The following OR1L8 variants were observed in gnomAD, a reference collection of about 807,000 sequenced individuals.
OR1L8 encodes olfactory receptor 1L8.
For synonymous variants in OR1L8, 148 were observed against 147.0 expected (o/e 1.01, Z -0.05); for missense variants, 330 against 377.4 (o/e 0.87, Z 1.04).
chr9:122,554,898 C>G, the OR1L8 span, among the ~76,000 whole-genome samples: 1 of 152,126 alleles, frequency 6.6e-6, no homozygotes, highest in Non-Finnish European at 1.5e-5. Context: ...TCTCTGAATT[C>G]TTTCATAAAA....
chr9:122,568,206 T>C lies in OR1L8; in HGVS notation c.272A>G (p.Lys91Arg), dbSNP rs1256535695. Reference protein sequence around the residue: ...KMLMNFLSEKKTISYAGCLTQ... With the variant: ...KMLMNFLSEKRTISYAGCLTQ... ...CAGACACCCAGCATAGGAGATGGTC[T>C]TCTTTTCTGACAGGAAGTTCATCAG... The change falls in exon 5 of 5, where the codon AAG becomes AGG. Residue 91 changes from lysine to arginine, a missense_variant. Physicochemically the swap from Lys to Arg is conservative, Grantham distance 26. Transcript: ENST00000641027. 1 of 1,614,218 alleles carries C rather than the reference T, an allele frequency of 6.2e-7. No individual in the cohort carries two copies. The highest frequency in any genetic ancestry group is 1.3e-5 in the African/African-American group (1 of 75,048).
At position 122,567,916 on chromosome 9, in the gene OR1L8, A is replaced by C. The variant is rs1431247431; in HGVS notation, c.562T>G (p.Leu188Val). 6.2e-7 allele frequency: 1 copy of C among 1,614,004 alleles called. No individual in the cohort carries two copies. The highest frequency in any genetic ancestry group is 2.2e-5 in the East Asian group (1 of 44,898). The change falls in exon 5 of 5, where the codon TTG becomes GTG. Residue 188 changes from leucine (L) to valine (V), a missense_variant. Transcript: ENST00000641027. ...FLCDLSPVLK[L>V]SCSSIFVNEI... ...TTGACAAATATGGAAGAGCAGGACA[A>C]TTTCAGCACAGGGCTGAGGTCACAG...
chr9:122,546,597 TA>T, the OR1L8 span, among the ~76,000 whole-genome samples: 2 of 152,228 alleles, frequency 1.3e-5, no homozygotes, highest in East Asian at 3.9e-4. Flanking sequence ...GGCTATTTGT[TA>T]AAAAAATTAA....
At position 122,569,886 on chromosome 9, in the gene OR1L8, G is replaced by C. The variant is rs555650468; in HGVS notation, c.-212-1197C>G. Reference sequence around the variant, plus strand: ...GATGTTCCCCTTCCTGTGTCCATGTGTTCTCATTGTTCAATTCCCACCAAT... The same window carrying C: ...GATGTTCCCCTTCCTGTGTCCATGTCTTCTCATTGTTCAATTCCCACCAAT... On this transcript the variant is annotated intron_variant, in intron 4 of 4. Coordinates refer to ENST00000641027, the MANE Select transcript of OR1L8 (RefSeq NM_001004454.2). Among the ~76,000 whole-genome samples, 5 of 150,606 alleles carry C rather than the reference G, an allele frequency of 3.3e-5. 1 individual carries two copies. In the South Asian group the frequency reaches 8.4e-4, roughly 25 times the overall value.
At chr9:122,556,865 A>C in the OR1L8 span, among the ~76,000 whole-genome samples, 1 of 152,148 alleles carries the variant, frequency 6.6e-6, no homozygotes, top group Non-Finnish European at 1.5e-5. Flanking sequence ...GATAACATTG[A>C]GTTTTCCTAT....
At chr9:122,565,044 C>T (rs1488938869), downstream of OR1L8, among the ~76,000 whole-genome samples, 1 of 152,158 alleles carries the variant, frequency 6.6e-6, no homozygotes, top group South Asian at 2.1e-4. Flanking sequence ...CTTATACTTC[C>T]TCGTGAAATT....
chr9:122,565,829 T>C (rs906529818), downstream of OR1L8, among the ~76,000 whole-genome samples: 6 of 152,232 alleles, frequency 3.9e-5, no homozygotes, highest in African/African-American at 1.4e-4. Flanking sequence ...GTTTGCCTAG[T>C]ATTTTATTTT....
chr9:122,554,302 A>AT, the OR1L8 span: 3 of 650,634 alleles, frequency 4.6e-6, no homozygotes, highest in Non-Finnish European at 7.7e-6. Context: ...AAAAAAAAAA[A>AT]GAGTGTTTCA....
At position 122,568,014 on chromosome 9, in the gene OR1L8, A is replaced by G; in HGVS notation, c.464T>C (p.Leu155Pro). The change falls in exon 5 of 5, where the codon CTC becomes CCC. Residue 155 changes from leucine (L) to proline (P), a missense_variant. Leu to Pro is a moderately conservative substitution (Grantham distance 98). Coordinates refer to ENST00000641027, the MANE Select transcript of OR1L8 (RefSeq NM_001004454.2). ...CAGAAGTGTGTGCAGGAGTGAGTGG[A>G]GGTGAGGAAATGAGCAGGAGAAGGC... ...LVAFSCSFPHLHSLLHTLLLN... is the reference protein window; with the variant it reads ...LVAFSCSFPHPHSLLHTLLLN... The G allele has an allele frequency of 6.2e-7, 1 of 1,614,018 alleles. No individual in the cohort carries two copies. The highest frequency in any genetic ancestry group is 2.2e-5 in the East Asian group (1 of 44,866).
intron 2 of OR1L8, among the ~76,000 whole-genome samples, chr9:122,577,602 C>A (rs1425132421): frequency 6.6e-6 from 1 of 151,998 alleles, no homozygotes; most frequent in African/African-American, 2.4e-5. Context: ...AACAGTGATA[C>A]CATTTTTTCA....
chr9:122,568,558 A>G lies in OR1L8; in HGVS notation c.-81T>C. 1.2e-6 allele frequency: 1 copy of G among 833,314 alleles called. No individual in the cohort carries two copies. Among genetic ancestry groups the G allele is most frequent in the Non-Finnish European group, 1.9e-6 (1 of 529,036 alleles). 51.6% of individuals were successfully genotyped at this position (833,314 alleles called of 1,614,324 possible). The stretch of plus-strand genomic sequence containing the variant: ...ATAACACCAATCATGAGAACCTAGC[A>G]AGTCTTTGTTTCTTCTGTTTGGTCA... On this transcript the variant is annotated 5_prime_UTR_variant, in exon 5 of 5. Coordinates refer to ENST00000641027, the MANE Select transcript of OR1L8 (RefSeq NM_001004454.2).
the OR1L8 span, among the ~76,000 whole-genome samples, chr9:122,557,013 G>A: frequency 1.3e-5 from 2 of 152,090 alleles, no homozygotes; most frequent in East Asian, 1.9e-4. Context: ...ATGGTGTTGT[G>A]TTTTTAATTT....
chr9:122,571,146 G>A (rs1398702148), intron 4 of OR1L8, among the ~76,000 whole-genome samples: 3 of 152,102 alleles, frequency 2.0e-5, no homozygotes, highest in Admixed American at 6.6e-5. Flanking sequence ...CCCATGTTCA[G>A]AATCCACTCT....
chr9:122,565,158 A>G (rs1039712989), downstream of OR1L8, among the ~76,000 whole-genome samples: 2 of 152,210 alleles, frequency 1.3e-5, no homozygotes, highest in Non-Finnish European at 2.9e-5. Flanking sequence ...TGCCTGGTGC[A>G]TCTATTTGGA....
At chr9:122,554,288 T>TAAAAAA in the OR1L8 span, 1 of 547,808 alleles carries the variant, frequency 1.8e-6, no homozygotes, top group African/African-American at 2.0e-5. Context: ...GTTAGGGATG[T>TAAAAAA]AAAAAAAAAA....
At chr9:122,562,698 C>T (rs972164368), downstream of OR1L8, among the ~76,000 whole-genome samples, 13 of 152,120 alleles carry the variant, frequency 8.5e-5, no homozygotes, top group Admixed American at 2.6e-4. Context: ...TTGCAGGGTT[C>T]GCATGCTGTT....
At chr9:122,566,135 G>A (rs1829423113), downstream of OR1L8, among the ~76,000 whole-genome samples, 2 of 152,186 alleles carry the variant, frequency 1.3e-5, no homozygotes, top group South Asian at 2.1e-4. Context: ...AAAAGCTTTG[G>A]ACCTAGAATG....
intron 3 of OR1L8, among the ~76,000 whole-genome samples, chr9:122,573,365 A>G (rs1238700870): frequency 6.6e-6 from 1 of 152,234 alleles, no homozygotes; most frequent in African/African-American, 2.4e-5. Context: ...TCCTCAAGTA[A>G]TGGTTATCAA....
intron 1 of OR1L8, among the ~76,000 whole-genome samples, chr9:122,583,024 TTATTTTAACA>T (rs1474944739): frequency 6.6e-6 from 1 of 151,936 alleles, no homozygotes; most frequent in Non-Finnish European, 1.5e-5. Flanking sequence ...TTTTATTATA[TTATTTTAACA>T]TAATATAATC....
Sources: allele counts gnomAD v4.1 joint callset (sites outside exome capture counted in the v4.1 genomes callset), GRCh38; gene constraint gnomAD v4.1.1; transcripts MANE v1.5; gene names NCBI Gene and HGNC (gene_info 2026-07-23, HGNC 2026-07-21).